CCDC7: variants seen among roughly 807,000 people sequenced by gnomAD.
CCDC7 encodes coiled-coil domain-containing protein 7.
Under a neutral mutation model 196.9 loss-of-function variants are expected in CCDC7, and 183 were observed. The ratio of observed to expected loss-of-function variants is 0.93; its 90% CI spans 0.82 to 1.05. The LOEUF (loss-of-function observed/expected upper bound fraction) is 1.05. Among genes scored for constraint, CCDC7 ranks in the 50% least tolerant of loss-of-function variants. The pLI, the probability that CCDC7 is intolerant of heterozygous loss-of-function variation, is 0.00. For missense variants in CCDC7, 1,540 were observed against 1,482.2 expected (o/e 1.04, Z -0.64); for synonymous variants, 525 against 484.6 (o/e 1.08, Z -1.10).
chr10:32,673,654 C>CGTGTGTGTGTGT (rs71027102), intron 21 of CCDC7, among the ~76,000 whole-genome samples: 3,331 of 147,946 alleles, frequency 0.023, 125 homozygotes, highest in African/African-American at 0.068. Context: ...CCATTGTGCA[C>CGTGTGTGTGTGT]GTGTGTGTGT....
chr10:32,722,567 C>T (rs1421039143), intron 25 of CCDC7, among the ~76,000 whole-genome samples: 4 of 152,038 alleles, frequency 2.6e-5, no homozygotes, highest in Non-Finnish European at 5.9e-5. Context: ...TATGCATCAC[C>T]CCAATCTCTG....
intron 9 of CCDC7, among the ~76,000 whole-genome samples, chr10:32,515,116 A>G (rs1405370755): frequency 1.3e-5 from 2 of 152,172 alleles, no homozygotes; most frequent in East Asian, 3.9e-4. Context: ...GTGAGCCACC[A>G]CACCTGGCTT....
At chr10:32,834,939 T>C in intron 33 of CCDC7, 41 bp downstream of exon 34, 1 of 833,078 alleles carries the variant, frequency 1.2e-6, no homozygotes, top group East Asian at 2.7e-5. Context: ...TAATGGCTTA[T>C]TTAGCTCTGA....
At chr10:32,620,442 G>T (rs1350709430) in intron 18 of CCDC7, among the ~76,000 whole-genome samples, 1 of 150,744 alleles carries the variant, frequency 6.6e-6, no homozygotes, top group Non-Finnish European at 1.5e-5. Context: ...TAATTTTAGA[G>T]GTATAATTGT....
intron 41 of CCDC7, among the ~76,000 whole-genome samples, chr10:32,874,956 G>C (rs1472561827): frequency 6.6e-6 from 1 of 151,746 alleles, no homozygotes; most frequent in Non-Finnish European, 1.5e-5. Context: ...AATTCATCTT[G>C]AGTCAATTTT....
At chr10:32,696,644 C>T (rs1383454585) in intron 24 of CCDC7, among the ~76,000 whole-genome samples, 1 of 152,192 alleles carries the variant, frequency 6.6e-6, no homozygotes, top group African/African-American at 2.4e-5. Context: ...TGGCACACTA[C>T]CACCAAACCA....
At chr10:32,862,141 C>A (rs1259865506) in intron 41 of CCDC7, among the ~76,000 whole-genome samples, 13 of 152,122 alleles carry the variant, frequency 8.5e-5, no homozygotes, top group Admixed American at 8.5e-4. Flanking sequence ...GCACTATTTA[C>A]AATAGCAAAG....
chr10:32,456,912 C>T (rs1017694382), intron 3 of CCDC7, among the ~76,000 whole-genome samples: 8 of 151,530 alleles, frequency 5.3e-5, no homozygotes, highest in East Asian at 3.9e-4. Context: ...GGGTACATAG[C>T]GATATTTTGA....
chr10:32,867,246 G>A (rs2094233026), intron 41 of CCDC7, among the ~76,000 whole-genome samples: 1 of 151,498 alleles, frequency 6.6e-6, no homozygotes, highest in African/African-American at 2.4e-5. Flanking sequence ...CCTATTTTTG[G>A]TAATTGTGTT....
At chr10:32,531,883 T>A (rs1219262767) in intron 11 of CCDC7, among the ~76,000 whole-genome samples, 1 of 152,178 alleles carries the variant, frequency 6.6e-6, no homozygotes, top group African/African-American at 2.4e-5. Context: ...TTCTGAGGTC[T>A]CAGTTGTTAT....
intron 13 of CCDC7, among the ~76,000 whole-genome samples, chr10:32,552,537 G>A (rs2053637694): frequency 6.6e-6 from 1 of 152,108 alleles, no homozygotes; most frequent in Non-Finnish European, 1.5e-5. Flanking sequence ...GCTTTAAAGA[G>A]GTTCTGTTTT....
chr10:32,833,162 TAC>T (rs2092345811), intron 32 of CCDC7, among the ~76,000 whole-genome samples: 2 of 152,180 alleles, frequency 1.3e-5, no homozygotes, highest in East Asian at 1.9e-4. Flanking sequence ...GTAACAACAG[TAC>T]AAATGTCAGG....
intron 39 of CCDC7, among the ~76,000 whole-genome samples, chr10:32,850,606 A>C (rs1002655025): frequency 6.6e-6 from 1 of 152,214 alleles, no homozygotes; most frequent in African/African-American, 2.4e-5. Context: ...GCCCTCCCAC[A>C]TGCAAAATAG....
exon 27 of CCDC7, chr10:32,728,964 A>G (rs1192888500): frequency 6.2e-7 from 1 of 1,605,422 alleles, no homozygotes; most frequent in East Asian, 2.2e-5. Context: ...GCAAGAAAAG[A>G]AACAAATAAA....
At chr10:32,542,151 A>T (rs1367628316) in intron 11 of CCDC7, among the ~76,000 whole-genome samples, 2 of 152,128 alleles carry the variant, frequency 1.3e-5, no homozygotes, top group East Asian at 3.8e-4. Context: ...CTAATTGTTA[A>T]TTTTTCCCTT....
At chr10:32,524,071 C>T (rs1214758165) in intron 11 of CCDC7, among the ~76,000 whole-genome samples, 12 of 136,812 alleles carry the variant, frequency 8.8e-5, no homozygotes, top group South Asian at 2.4e-4. Flanking sequence ...TTCCTTCTGT[C>T]TTTTTTTTTT....
chr10:32,639,335 A>G (rs2066277982), intron 20 of CCDC7, among the ~76,000 whole-genome samples: 1 of 151,828 alleles, frequency 6.6e-6, no homozygotes, highest in South Asian at 2.1e-4. Flanking sequence ...TAGGGTGTCC[A>G]TTTTAGATCT....
chr10:32,753,709 A>G (rs1440931000), intron 28 of CCDC7, among the ~76,000 whole-genome samples: 1 of 152,160 alleles, frequency 6.6e-6, no homozygotes, highest in Admixed American at 6.5e-5. Context: ...TTCTTTTGCT[A>G]CCATTTCTCT....
At chr10:32,616,451 C>G (rs1427784619) in intron 18 of CCDC7, among the ~76,000 whole-genome samples, 1 of 151,324 alleles carries the variant, frequency 6.6e-6, no homozygotes, top group African/African-American at 2.4e-5. Flanking sequence ...TTGATTTGGT[C>G]CTTGACTAAG....
Sources: allele counts gnomAD v4.1 joint callset (sites outside exome capture counted in the v4.1 genomes callset), GRCh38; gene constraint gnomAD v4.1.1; transcripts MANE v1.5; gene names NCBI Gene and HGNC (gene_info 2026-07-23, HGNC 2026-07-21).